LASP1: variants seen among roughly 807,000 people sequenced by gnomAD.
The protein encoded by LASP1 is LIM and SH3 domain protein 1.
Under a neutral mutation model 38.6 loss-of-function variants are expected in LASP1, and 10 were observed. The observed-to-expected ratio is 0.26, with a 90% CI of 0.16 to 0.44. The LOEUF (loss-of-function observed/expected upper bound fraction) is 0.44, where lower values mean the gene tolerates loss of function less well. Among genes scored for constraint, LASP1 ranks in the 20% least tolerant of loss-of-function variants. The pLI is 1.00. For missense variants in LASP1, 243 were observed against 375.7 expected, an observed-to-expected ratio of 0.65 and a Z score of 2.92; for synonymous variants, 132 against 140.8, an observed-to-expected ratio of 0.94 and a Z score of 0.44.
At chr17:38,875,338 G>T (rs1299110282) in intron 1 of LASP1, among the ~76,000 whole-genome samples, 1 of 151,668 alleles carries the variant, frequency 6.6e-6, no homozygotes, top group East Asian at 1.9e-4. Context: ...TAGTGTCCCT[G>T]GTGGGTTCTG....
At chr17:38,890,311 C>A in intron 2 of LASP1, 109 bp from the exon 3 acceptor site, 3 of 965,910 alleles carry the variant, frequency 3.1e-6, no homozygotes, top group South Asian at 1.4e-5. Flanking sequence ...CGGGCCAGGG[C>A]GTGCCCAAGC....
intron 1 of LASP1, among the ~76,000 whole-genome samples, chr17:38,876,840 C>T (rs1217258375): frequency 6.6e-6 from 1 of 151,612 alleles, no homozygotes; most frequent in Non-Finnish European, 1.5e-5. Context: ...GTAGCTGGGA[C>T]TACAGGCACC....
intron 4 of LASP1, among the ~76,000 whole-genome samples, chr17:38,906,594 A>G (rs11659022): frequency 0.19 from 29,611 of 152,092 alleles, 3,053 homozygotes; most frequent in South Asian, 0.23. Context: ...ATGTAAGGGC[A>G]CCCAAAAAAA....
At chr17:38,880,050 G>A (rs1230952470) in intron 2 of LASP1, among the ~76,000 whole-genome samples, 1 of 151,882 alleles carries the variant, frequency 6.6e-6, no homozygotes, top group Non-Finnish European at 1.5e-5. Flanking sequence ...GACATTCTTC[G>A]AATTCTTAAG....
chr17:38,886,043 C>G lies in LASP1; in HGVS notation c.165-4377C>G, dbSNP rs550884580. On this transcript the variant is annotated intron_variant, in intron 2 of 6. Coordinates refer to ENST00000318008, the MANE Select transcript of LASP1 (RefSeq NM_006148.4). Reference sequence around the variant, plus strand: ...CATGGGCTTCTCCTTAGTTGAGGACCCCCTTGCTGTCTGTGCCTCTTCCTC... The same window carrying G: ...CATGGGCTTCTCCTTAGTTGAGGACGCCCTTGCTGTCTGTGCCTCTTCCTC... 4.6e-5 allele frequency among the ~76,000 whole-genome samples: 7 copies of G among 152,106 alleles called. No homozygotes were observed. In the East Asian group the frequency reaches 1.4e-3, roughly 29 times the overall value.
At chr17:38,879,578 T>C (rs1253757373) in intron 2 of LASP1, among the ~76,000 whole-genome samples, 3 of 151,444 alleles carry the variant, frequency 2.0e-5, no homozygotes, top group Non-Finnish European at 2.9e-5. Context: ...TTTTTTTTTT[T>C]CTCTTAATTC....
In LASP1 at chr17:38,897,775, G is replaced by C. The variant is rs117196755; in HGVS notation, c.250-637G>C. Reference sequence around the variant, plus strand: ...AGAATCCGCGGGGCCTGTCAAAGGCGCACTGATGGAGCCTTCCCTGGGGCT... The same window carrying C: ...AGAATCCGCGGGGCCTGTCAAAGGCCCACTGATGGAGCCTTCCCTGGGGCT... On this transcript the variant is annotated intron_variant, in intron 3 of 6. Coordinates refer to ENST00000318008, the MANE Select transcript of LASP1 (RefSeq NM_006148.4). Among the ~76,000 whole-genome samples, 532 of 152,284 alleles carry C rather than the reference G, an allele frequency of 3.5e-3. 8 individuals carry two copies. The highest frequency in any genetic ancestry group is 2.1e-3 in the Non-Finnish European group (143 of 68,014).
At chr17:38,913,342 G>A (rs946904531) in intron 4 of LASP1, among the ~76,000 whole-genome samples, 23 of 152,158 alleles carry the variant, frequency 1.5e-4, no homozygotes, top group Middle Eastern at 3.2e-3. Context: ...ACAATGTCCC[G>A]CCCTCAGGGA....
intron 4 of LASP1, among the ~76,000 whole-genome samples, chr17:38,909,749 T>TCATTCATA (rs538531363): frequency 4.2e-4 from 64 of 152,172 alleles, no homozygotes; most frequent in African/African-American, 1.5e-3. Context: ...ATTCATTCAT[T>TCATTCATA]CATTCATTCA....
chr17:38,896,996 G>A (rs960124581), intron 3 of LASP1: 24 of 985,282 alleles, frequency 2.4e-5, no homozygotes, highest in East Asian at 2.3e-4. Flanking sequence ...CCCGATGCCC[G>A]CTTCCCAAAG....
chr17:38,886,243 A>G (rs544446934), intron 2 of LASP1, among the ~76,000 whole-genome samples: 1 of 150,880 alleles, frequency 6.6e-6, no homozygotes, highest in Non-Finnish European at 1.5e-5. Context: ...CCTGAAGCGT[A>G]GTGAGCCGGG....
chr17:38,908,195 C>T (rs898293837), intron 4 of LASP1, among the ~76,000 whole-genome samples: 15 of 152,232 alleles, frequency 9.9e-5, no homozygotes, highest in Admixed American at 6.5e-4. Context: ...CTGGCACCTT[C>T]GGGGCCCAGG....
chr17:38,920,890 G>GA lies in LASP1; in HGVS notation c.*2112_*2113insA, dbSNP rs1915281085. ...ATGTGGATTTGGGGACCAAAGGTCA[G>GA]GGACACATCCCCTTAGAGGACCTGA... On this transcript the variant is annotated 3_prime_UTR_variant, in exon 7 of 7. Coordinates refer to ENST00000318008, the MANE Select transcript of LASP1 (RefSeq NM_006148.4). The GA allele has an allele frequency of 4.3e-6, 1 of 232,516 alleles. No individual in the cohort carries two copies. The highest frequency in any genetic ancestry group is 8.5e-6 in the Non-Finnish European group (1 of 117,398). 14.4% of individuals were successfully genotyped at this position (232,516 alleles called of 1,614,324 possible).
chr17:38,876,190 T>C (rs930633177), intron 1 of LASP1, among the ~76,000 whole-genome samples: 15 of 149,044 alleles, frequency 1.0e-4, no homozygotes, highest in Admixed American at 6.7e-4. Flanking sequence ...TTTTTTTTTT[T>C]TTTTTTGAGA....
Position 38,920,211 on chromosome 17 carries a change from T to A in LASP1, c.*1433T>A. On this transcript the variant is annotated 3_prime_UTR_variant, in exon 7 of 7. Coordinates refer to ENST00000318008, the MANE Select transcript of LASP1 (RefSeq NM_006148.4). ...GAGGAAGGCTCTGTCACTCCAGGCA[T>A]ATGTTTCCCCATCTCTGTCTGGGGC... 1 of 490,904 alleles carries A rather than the reference T, an allele frequency of 2.0e-6. No homozygotes were observed. The highest frequency in any genetic ancestry group is 4.0e-6 in the Non-Finnish European group (1 of 251,158). The allele number at this position is 490,904 out of a possible 1,614,324, so 30.4% of individuals were successfully genotyped here. A position where few individuals can be genotyped will look rare whatever the true frequency, so the allele number is the denominator to read the frequency against.
chr17:38,877,606 C>T (rs1267735537), intron 1 of LASP1, among the ~76,000 whole-genome samples: 2 of 152,142 alleles, frequency 1.3e-5, no homozygotes, highest in Admixed American at 6.5e-5. Context: ...CTAGGAGCAC[C>T]TGGGTTCTGG....
intron 2 of LASP1, among the ~76,000 whole-genome samples, chr17:38,889,001 C>G (rs1914224533): frequency 6.6e-6 from 1 of 152,230 alleles, no homozygotes; most frequent in Non-Finnish European, 1.5e-5. Context: ...CCTCTCTGGC[C>G]TCAGTTCTCC....
At chr17:38,912,419 A>C (rs538696982) in intron 4 of LASP1, among the ~76,000 whole-genome samples, 1 of 149,948 alleles carries the variant, frequency 6.7e-6, no homozygotes, top group East Asian at 2.0e-4. Context: ...ATAGGGTCAG[A>C]GTAGGGCCAG....
chr17:38,898,668 G>A (rs1914557849), intron 4 of LASP1, 149 bp downstream of exon 4: 1 of 693,376 alleles, frequency 1.4e-6, no homozygotes, highest in Middle Eastern at 2.3e-4. Context: ...GAAGAGCTTG[G>A]GGTTCCCAGA....
Sources: allele counts gnomAD v4.1 joint callset (sites outside exome capture counted in the v4.1 genomes callset), GRCh38; gene constraint gnomAD v4.1.1; transcripts MANE v1.5; gene names NCBI Gene and HGNC (gene_info 2026-07-23, HGNC 2026-07-21).